GPC6: variants seen among roughly 807,000 people sequenced by gnomAD.
GPC6 encodes glypican-6.
GPC6 carries 14 observed loss-of-function variants against 55.2 expected under a neutral mutation model. The observed-to-expected ratio is 0.25, with a 90% CI of 0.17 to 0.40. The LOEUF (loss-of-function observed/expected upper bound fraction) is 0.40. GPC6 is among the 10% of genes least tolerant of loss of function. The probability of loss-of-function intolerance (pLI) is 1.00; values close to 1 mark genes in which losing one functional copy is unlikely to be tolerated. For synonymous variants in GPC6, 278 were observed against 259.6 expected, an observed-to-expected ratio of 1.07 and a Z score of -0.68; for missense variants, 641 against 708.5, an observed-to-expected ratio of 0.90 and a Z score of 1.08.
At chr13:93,625,113 A>G (rs1879147930) in intron 2 of GPC6, among the ~76,000 whole-genome samples, 1 of 152,188 alleles carries the variant, frequency 6.6e-6, no homozygotes, top group Admixed American at 6.5e-5. Context: ...TAGAATGACT[A>G]TAAAATAGTG....
At chr13:93,286,657 C>T (rs1323998) in intron 1 of GPC6, among the ~76,000 whole-genome samples, 84,543 of 152,106 alleles carry the variant, frequency 0.56, 26,081 homozygotes, top group African/African-American at 0.83. Flanking sequence ...GTGGTCTGAC[C>T]GTTGACTCCT....
At chr13:93,427,909 G>A (rs138725305) in intron 1 of GPC6, among the ~76,000 whole-genome samples, 3,278 of 152,222 alleles carry the variant, frequency 0.022, 44 homozygotes, top group Middle Eastern at 0.037. Flanking sequence ...TTTTAGAAAA[G>A]TTTTATGCAG....
At chr13:94,145,690 C>A (rs1049045346) in intron 4 of GPC6, among the ~76,000 whole-genome samples, 1 of 152,174 alleles carries the variant, frequency 6.6e-6, no homozygotes, top group Middle Eastern at 3.4e-3. Context: ...AATGTGTGAA[C>A]TTTTCCAAGT....
At chr13:93,411,602 T>A (rs911783514) in intron 1 of GPC6, among the ~76,000 whole-genome samples, 8 of 152,118 alleles carry the variant, frequency 5.3e-5, no homozygotes, top group African/African-American at 1.4e-4. Context: ...AGTTCATTCT[T>A]TAGTGGAATT....
chr13:93,526,848 T>C (rs1320337969), intron 1 of GPC6, among the ~76,000 whole-genome samples: 1 of 152,098 alleles, frequency 6.6e-6, no homozygotes, highest in Non-Finnish European at 1.5e-5. Flanking sequence ...TATTTTGATT[T>C]AAATGCTAGG....
Position 93,332,546 on chromosome 13 carries a change from A to C in GPC6, c.160+104930A>C, listed in dbSNP as rs144084749. Among the ~76,000 whole-genome samples, 37 of 152,076 alleles carry C rather than the reference A, an allele frequency of 2.4e-4. No homozygotes were observed. In the East Asian group the frequency reaches 7.1e-3, roughly 29 times the overall value. ...TCTGTTCTGATCATTTGCCCATTTAAAAAATTGGAGTATTTATGTTTTTGC... is the reference window on the plus strand; with the variant it reads ...TCTGTTCTGATCATTTGCCCATTTACAAAATTGGAGTATTTATGTTTTTGC... On this transcript the variant is annotated intron_variant, in intron 1 of 8. Transcript: ENST00000377047.
At chr13:93,318,156 G>A (rs912913949) in intron 1 of GPC6, among the ~76,000 whole-genome samples, 2 of 152,086 alleles carry the variant, frequency 1.3e-5, no homozygotes, top group African/African-American at 4.8e-5. Flanking sequence ...CTAGAAAGTG[G>A]ACACATAGAG....
chr13:94,245,764 C>T (rs1234293224), intron 4 of GPC6, among the ~76,000 whole-genome samples: 2 of 151,688 alleles, frequency 1.3e-5, no homozygotes, highest in African/African-American at 4.8e-5. Context: ...GTTTCTTTAT[C>T]CATTCATCCA....
At position 94,082,776 on chromosome 13, in the gene GPC6, T is replaced by C. The variant is rs115325302; in HGVS notation, c.877+54882T>C. 4.8e-3 allele frequency among the ~76,000 whole-genome samples: 731 copies of C among 152,320 alleles called. 8 individuals carry two copies. The highest frequency in any genetic ancestry group is 0.017 in the African/African-American group (694 of 41,574). On this transcript the variant is annotated intron_variant, in intron 4 of 8. Coordinates refer to ENST00000377047, the MANE Select transcript of GPC6 (RefSeq NM_005708.5). Reference sequence around the variant, plus strand: ...GTAGAGGATGTATCCTCCGTGAAACTTCCCCCAGATCCTCAGCAAATCCTG... The same window carrying C: ...GTAGAGGATGTATCCTCCGTGAAACCTCCCCCAGATCCTCAGCAAATCCTG...
chr13:94,070,254 G>A (rs553837162), intron 4 of GPC6, among the ~76,000 whole-genome samples: 96 of 152,232 alleles, frequency 6.3e-4, no homozygotes, highest in African/African-American at 2.2e-3. Flanking sequence ...ACTATCATGA[G>A]AACAGCACAG....
At chr13:93,554,933 G>A (rs1171506736) in intron 2 of GPC6, among the ~76,000 whole-genome samples, 1 of 151,922 alleles carries the variant, frequency 6.6e-6, no homozygotes, top group East Asian at 1.9e-4. Context: ...ATATTCTTGG[G>A]AAAACTATAT....
intron 4 of GPC6, among the ~76,000 whole-genome samples, chr13:94,196,640 G>A (rs1181931213): frequency 7.2e-5 from 11 of 152,070 alleles, no homozygotes; most frequent in African/African-American, 1.4e-4. Context: ...AGGAACAAGC[G>A]GAAGAGTTTT....
intron 2 of GPC6, among the ~76,000 whole-genome samples, chr13:93,765,307 T>TTTCCAGATAAGCTGTCTG (rs1885090817): frequency 6.6e-6 from 1 of 152,070 alleles, no homozygotes; most frequent in Non-Finnish European, 1.5e-5. Context: ...GAAAGACAAC[T>TTTCCAGATAAGCTGTCTG]TATTTGGTTT....
intron 3 of GPC6, among the ~76,000 whole-genome samples, chr13:93,865,921 C>G (rs991597): frequency 0.29 from 43,407 of 151,420 alleles, 6,349 homozygotes; most frequent in Admixed American, 0.29. Flanking sequence ...GGGTGGGATT[C>G]TCTGAGGTCA....
intron 5 of GPC6, among the ~76,000 whole-genome samples, chr13:94,299,123 G>T (rs182345174): frequency 9.7e-4 from 147 of 152,320 alleles, no homozygotes; most frequent in Non-Finnish European, 1.8e-3. Context: ...TGAACAAAAT[G>T]TATGAAAACC....
At chr13:94,143,181 T>C (rs980730784) in intron 4 of GPC6, among the ~76,000 whole-genome samples, 3 of 151,980 alleles carry the variant, frequency 2.0e-5, no homozygotes, top group Non-Finnish European at 4.4e-5. Context: ...CAACAAAATA[T>C]AATTAATATT....
At chr13:94,324,105 G>A (rs1485646903) in intron 6 of GPC6, among the ~76,000 whole-genome samples, 1 of 152,100 alleles carries the variant, frequency 6.6e-6, no homozygotes, top group Non-Finnish European at 1.5e-5. Flanking sequence ...AAAGTCCCAG[G>A]GTGAACATTT....
At chr13:93,774,178 G>A (rs562852307) in intron 2 of GPC6, among the ~76,000 whole-genome samples, 71 of 152,256 alleles carry the variant, frequency 4.7e-4, no homozygotes, top group African/African-American at 1.5e-3. Context: ...GCCAGGTGTC[G>A]TTTTTCCTGT....
chr13:94,181,512 G>T (rs1037644968), intron 4 of GPC6, among the ~76,000 whole-genome samples: 1 of 152,126 alleles, frequency 6.6e-6, no homozygotes, highest in Non-Finnish European at 1.5e-5. Flanking sequence ...AGCTAACAAG[G>T]ATTTAAAACA....
Sources: allele counts gnomAD v4.1 joint callset (sites outside exome capture counted in the v4.1 genomes callset), GRCh38; gene constraint gnomAD v4.1.1; transcripts MANE v1.5; gene names NCBI Gene and HGNC (gene_info 2026-07-23, HGNC 2026-07-21).